The following RYR2 variants were observed in gnomAD, a reference collection of about 807,000 sequenced individuals.
RYR2 encodes the protein ryanodine receptor 2, also known as cardiac muscle ryanodine receptor-calcium release channel.
RYR2 carries 227 observed loss-of-function variants against 601.1 expected under a neutral mutation model. The observed-to-expected ratio is 0.38, with a 90% CI of 0.34 to 0.42. RYR2 has a LOEUF of 0.42. Ranked by LOEUF, RYR2 falls within the 10% of genes least tolerant of loss-of-function variation. The pLI is 1.00. For missense variants in RYR2, 4,646 were observed against 6,156.5 expected (o/e 0.75, Z 8.21); for synonymous variants, 2,223 against 2,175.1 (o/e 1.02, Z -0.61).
chr1:237,368,180 TAA>T (rs1700353176), intron 5 of RYR2, among the ~76,000 whole-genome samples: 2 of 152,302 alleles, frequency 1.3e-5, no homozygotes, highest in South Asian at 4.1e-4. Flanking sequence ...CCTGTGTCGT[TAA>T]AGAGTCACAT....
chr1:237,717,926 G>A (rs1400917896), intron 72 of RYR2, among the ~76,000 whole-genome samples: 1 of 152,130 alleles, frequency 6.6e-6, no homozygotes, highest in African/African-American at 2.4e-5. Context: ...TAAATTGGAG[G>A]ACATATTCTC....
chr1:237,198,743 T>A (rs1007757783), intron 1 of RYR2, among the ~76,000 whole-genome samples: 1 of 152,164 alleles, frequency 6.6e-6, no homozygotes, highest in African/African-American at 2.4e-5. Flanking sequence ...ATCTAGACTT[T>A]ATTTTGAAAT....
chr1:237,526,531 G>A (rs1365008100), intron 24 of RYR2, among the ~76,000 whole-genome samples: 1 of 152,018 alleles, frequency 6.6e-6, no homozygotes. Flanking sequence ...ATTATGTGTA[G>A]AGACAGAGTC....
intron 97 of RYR2, 103 bp downstream of exon 97, chr1:237,798,273 A>G (rs1199450970): frequency 2.2e-5 from 23 of 1,036,030 alleles, no homozygotes; most frequent in Admixed American, 3.1e-5. Context: ...CAATGTCAGA[A>G]GAATAGATAG....
intron 24 of RYR2, among the ~76,000 whole-genome samples, chr1:237,516,054 C>A (rs1666511488): frequency 6.6e-6 from 1 of 151,620 alleles, no homozygotes; most frequent in Non-Finnish European, 1.5e-5. Context: ...TCCTCCTCCT[C>A]CTCCTCTTCT....
At chr1:237,462,597 C>T (rs1659605484) in intron 16 of RYR2, among the ~76,000 whole-genome samples, 1 of 152,088 alleles carries the variant, frequency 6.6e-6, no homozygotes, top group Non-Finnish European at 1.5e-5. Flanking sequence ...AAGTATGAAA[C>T]CAACAAGGAT....
chr1:237,381,467 A>C (rs1701515494), intron 8 of RYR2, among the ~76,000 whole-genome samples: 1 of 152,184 alleles, frequency 6.6e-6, no homozygotes, highest in Admixed American at 6.5e-5. Flanking sequence ...ATTAGTTAAA[A>C]CTAACTTCTA....
chr1:237,280,318 G>A (rs79675054), intron 2 of RYR2, among the ~76,000 whole-genome samples: 1 of 152,036 alleles, frequency 6.6e-6, no homozygotes, highest in Non-Finnish European at 1.5e-5. Context: ...GTTTCTTGAC[G>A]ATTTCTCTAA....
chr1:237,107,084 T>G (rs1470349783), intron 1 of RYR2, among the ~76,000 whole-genome samples: 1 of 152,148 alleles, frequency 6.6e-6, no homozygotes, highest in Non-Finnish European at 1.5e-5. Context: ...GCTGGAGGGC[T>G]AAAGAAGGAT....
At position 237,803,522 on chromosome 1, in the gene RYR2, G is replaced by A. The variant is rs373185412; in HGVS notation, c.14151+1606G>A. Among the ~76,000 whole-genome samples, 1,402 of 152,028 alleles carry A rather than the reference G, an allele frequency of 9.2e-3. 15 individuals carry two copies. Among genetic ancestry groups the A allele is most frequent in the African/African-American group, 0.027 (1,102 of 41,426 alleles). On this transcript the variant is annotated intron_variant, in intron 98 of 104. Transcript: ENST00000366574. The stretch of plus-strand genomic sequence containing the variant: ...TCACCATGTTAGCCAGGATGGTCTC[G>A]ATCTCCTGACCTCGTGAACCGACCG...
intron 16 of RYR2, among the ~76,000 whole-genome samples, chr1:237,464,110 A>C (rs1212533664): frequency 1.3e-5 from 2 of 152,284 alleles, no homozygotes; most frequent in African/African-American, 4.8e-5. Context: ...ACGTGTGTAC[A>C]TATCTGCACA....
At chr1:237,567,931 A>T (rs1346257350) in intron 28 of RYR2, among the ~76,000 whole-genome samples, 1 of 151,560 alleles carries the variant, frequency 6.6e-6, no homozygotes, top group Non-Finnish European at 1.5e-5. Flanking sequence ...CCAGTTTTTT[A>T]AAAATTTCAA....
In RYR2 at chr1:237,193,096, G is replaced by A. The variant is rs151002738; in HGVS notation, c.49-77401G>A. ...CCAGCATTTTGGGAGGCCGAGGTGGGCGGATCACGAGGTCAGGAGATCAAG... is the reference window on the plus strand; with the variant it reads ...CCAGCATTTTGGGAGGCCGAGGTGGACGGATCACGAGGTCAGGAGATCAAG... On this transcript the variant is annotated intron_variant, in intron 1 of 104. Transcript: ENST00000366574. Among the ~76,000 whole-genome samples the A allele has an allele frequency of 4.9e-3, 711 of 144,996 alleles. 6 individuals are homozygous for A. The highest frequency in any genetic ancestry group is 0.017 in the African/African-American group (678 of 39,356).
At chr1:237,203,526 A>T (rs77879584) in intron 1 of RYR2, among the ~76,000 whole-genome samples, 11,766 of 152,224 alleles carry the variant, frequency 0.077, 543 homozygotes, top group East Asian at 0.15. Flanking sequence ...CTACTTTGGG[A>T]ATTTAACCAA....
At chr1:237,256,326 G>A in intron 1 of RYR2, among the ~76,000 whole-genome samples, 1 of 152,104 alleles carries the variant, frequency 6.6e-6, no homozygotes, top group Non-Finnish European at 1.5e-5. Flanking sequence ...AAATTACTCA[G>A]TCTCTGGTAT....
chr1:237,129,051 T>C lies in RYR2; in HGVS notation c.48+86482T>C, dbSNP rs770743253. On this transcript the variant is annotated intron_variant, in intron 1 of 104. Transcript: ENST00000366574. The stretch of plus-strand genomic sequence containing the variant: ...TTGACTTGTTAAGTTTGAAATACAT[T>C]TTAGACATTCAAGGGCAAATGGAGA... Among the ~76,000 whole-genome samples, 21 of 152,244 alleles carry C rather than the reference T, an allele frequency of 1.4e-4. No homozygotes were observed. The South Asian group carries it at 1.9e-3, about 14-fold the overall frequency.
intron 10 of RYR2, among the ~76,000 whole-genome samples, chr1:237,393,462 T>C (rs1249084632): frequency 1.3e-5 from 2 of 152,236 alleles, no homozygotes; most frequent in Admixed American, 1.3e-4. Context: ...TAGAAAGAGA[T>C]GCATAGTTTA....
chr1:237,479,934 A>G (rs6429023), intron 17 of RYR2, among the ~76,000 whole-genome samples: 28,775 of 152,052 alleles, frequency 0.19, 4,473 homozygotes, highest in African/African-American at 0.43. Context: ...GAAACTAATG[A>G]ACCTAGGAAT....
chr1:237,635,693 C>T (rs1680804054), intron 44 of RYR2, among the ~76,000 whole-genome samples: 1 of 152,152 alleles, frequency 6.6e-6, no homozygotes, highest in African/African-American at 2.4e-5. Context: ...TCCAGTACTC[C>T]CCAAAGGCTT....
Sources: gnomAD v4.1 joint callset for allele counts (sites outside exome capture counted in the v4.1 genomes callset) on GRCh38, gnomAD v4.1.1 for gene constraint, MANE v1.5 for transcripts, NCBI Gene and HGNC (gene_info 2026-07-23, HGNC 2026-07-21) for gene names.